The following MAX variants were observed in gnomAD, a reference collection of about 807,000 sequenced individuals.
MAX encodes MYC associated transcriptional regulator X, also known as protein max.
A neutral mutation model predicts 22.3 loss-of-function variants in MAX; 3 were observed. That is an observed-to-expected ratio of 0.13 (90% CI 0.06 to 0.35). The LOEUF is 0.35. Among genes scored for constraint, MAX ranks in the 10% least tolerant of loss-of-function variants. The pLI is 1.00. For synonymous variants in MAX, 72 were observed against 77.7 expected (o/e 0.93, Z 0.39); for missense variants, 119 against 209.4 (o/e 0.57, Z 2.66).
At chr14:65,052,689 A>T (rs916648377) in intron 3 of MAX, among the ~76,000 whole-genome samples, 4 of 152,208 alleles carry the variant, frequency 2.6e-5, no homozygotes, top group Non-Finnish European at 5.9e-5. Flanking sequence ...AGTTACTAGT[A>T]ATGTTTCTTA....
At chr14:65,013,174 T>G (rs1421997162) in intron 3 of MAX, among the ~76,000 whole-genome samples, 3 of 152,218 alleles carry the variant, frequency 2.0e-5, no homozygotes, top group Non-Finnish European at 2.9e-5. Flanking sequence ...CCAACTCAAA[T>G]GCCTGTAGGG....
intron 3 of MAX, among the ~76,000 whole-genome samples, chr14:65,026,422 A>G (rs995403961): frequency 6.6e-6 from 1 of 152,216 alleles, no homozygotes; most frequent in African/African-American, 2.4e-5. Context: ...ATTAACGTGG[A>G]GAATTCTCCA....
chr14:65,092,918 G>A (rs187823574), intron 3 of MAX, among the ~76,000 whole-genome samples: 94 of 152,306 alleles, frequency 6.2e-4, no homozygotes, highest in Non-Finnish European at 1.9e-4. Context: ...CCTCTTCCCA[G>A]CTTGCCAGTT....
At chr14:65,037,621 C>T (rs1205130170) in intron 3 of MAX, among the ~76,000 whole-genome samples, 1 of 149,198 alleles carries the variant, frequency 6.7e-6, no homozygotes, top group Non-Finnish European at 1.5e-5. Context: ...GACAAAGCCT[C>T]ACCACATTGC....
At chr14:65,040,916 A>G in intron 3 of MAX, 2 of 1,613,612 alleles carry the variant, frequency 1.2e-6, no homozygotes, top group East Asian at 2.2e-5. Flanking sequence ...TGAAGAGCTT[A>G]TTAGTAAGTA....
At chr14:65,048,183 A>G (rs747370251) in intron 3 of MAX, among the ~76,000 whole-genome samples, 5 of 151,724 alleles carry the variant, frequency 3.3e-5, no homozygotes, top group Admixed American at 1.3e-4. Context: ...GGATATGACT[A>G]TGTTGGCCTG....
chr14:65,063,625 C>T (rs1370584193), intron 3 of MAX, among the ~76,000 whole-genome samples: 2 of 152,176 alleles, frequency 1.3e-5, no homozygotes, highest in African/African-American at 4.8e-5. Flanking sequence ...AGTGCAGTGG[C>T]ACAATCATGG....
At chr14:65,097,188 A>G (rs1464168867) in intron 2 of MAX, among the ~76,000 whole-genome samples, 1 of 152,240 alleles carries the variant, frequency 6.6e-6, no homozygotes, top group African/African-American at 2.4e-5. Flanking sequence ...CATCTTTGAC[A>G]CTACCAAGCA....
downstream of MAX, among the ~76,000 whole-genome samples, chr14:65,070,428 G>C (rs1276504444): frequency 6.6e-6 from 1 of 152,184 alleles, no homozygotes; most frequent in African/African-American, 2.4e-5. The surrounding 1 kb of genome is among the most constrained non-coding windows in gnomAD (Gnocchi z 4.4). Context: ...CAGGCTGTGG[G>C]TATACAAGAG....
chr14:65,061,586 C>T, intron 3 of MAX: 1 of 357,938 alleles, frequency 2.8e-6, no homozygotes, highest in South Asian at 3.8e-5. Flanking sequence ...GAAGCAGTCC[C>T]TCCTCACCAG....
At chr14:65,080,696 A>C (rs1011448640) in intron 3 of MAX, among the ~76,000 whole-genome samples, 2 of 152,218 alleles carry the variant, frequency 1.3e-5, no homozygotes, top group Non-Finnish European at 2.9e-5. Flanking sequence ...CCTCTATTTA[A>C]ATTTGCCTAT....
At position 65,032,571 on chromosome 14, in the gene MAX, C is replaced by T. The variant is rs2062107407; in HGVS notation, c.172-26287G>A. The stretch of plus-strand genomic sequence containing the variant: ...AGTTCACTGAGCCTCATTAGCTCTT[C>T]CGTAGAGCTTAATGTGTTTCCCGTT... On this transcript the variant is annotated intron_variant, in intron 3 of 3. Transcript: ENST00000341653. The surrounding 1 kb of genome is among the most constrained non-coding windows in gnomAD (Gnocchi z 5.0). The T allele has an allele frequency of 6.2e-7, 1 of 1,608,074 alleles. No homozygotes were observed. Among genetic ancestry groups the T allele is most frequent in the Non-Finnish European group, 8.5e-7 (1 of 1,178,438 alleles).
chr14:65,069,550 G>A lies in MAX; in HGVS notation c.171+24158C>T, dbSNP rs987893748. Among the ~76,000 whole-genome samples, 4 of 152,222 alleles carry A rather than the reference G, an allele frequency of 2.6e-5. No individual in the cohort carries two copies. Among genetic ancestry groups the A allele is most frequent in the South Asian group, 4.1e-4 (2 of 4,838 alleles). On this transcript the variant is annotated intron_variant, in intron 3 of 3. Coordinates refer to the MAX transcript ENST00000341653. The surrounding 1 kb of genome is among the most constrained non-coding windows in gnomAD (Gnocchi z 4.6). ...CAGCACAATGCTGGGCTGAGGCTAC[G>A]TGCTGCTCAAATACCCGAGGGTTGA...
intron 3 of MAX, among the ~76,000 whole-genome samples, chr14:65,051,873 C>T (rs1435719218): frequency 6.6e-6 from 1 of 150,742 alleles, no homozygotes; most frequent in Non-Finnish European, 1.5e-5. Flanking sequence ...CAGCTCACTG[C>T]AAACTCCGCC....
intron 3 of MAX, among the ~76,000 whole-genome samples, chr14:65,040,382 T>A (rs1374100804): frequency 1.3e-5 from 2 of 151,418 alleles, no homozygotes; most frequent in Non-Finnish European, 2.9e-5. Flanking sequence ...AATTATTATG[T>A]TTCTTACACA....
chr14:65,100,837 A>G (rs2139956107), intron 2 of MAX, among the ~76,000 whole-genome samples: 1 of 152,370 alleles, frequency 6.6e-6, no homozygotes, highest in African/African-American at 2.4e-5. Context: ...AGAACCATCT[A>G]CTGAGAACAT....
Position 65,044,841 on chromosome 14 carries a change from C to A in MAX, c.172-38557G>T. ...GTTGCAACAGTCACTGTTGCAACAGCAACAGGAAAGGCAACTGCGTAAAGG... is the reference window on the plus strand; with the variant it reads ...GTTGCAACAGTCACTGTTGCAACAGAAACAGGAAAGGCAACTGCGTAAAGG... On this transcript the variant is annotated intron_variant, in intron 3 of 3. Transcript: ENST00000341653. The surrounding 1 kb of genome is among the most constrained non-coding windows in gnomAD (Gnocchi z 5.5). The A allele has an allele frequency of 6.3e-6, 1 of 158,348 alleles. No individual in the cohort carries two copies. Among genetic ancestry groups the A allele is most frequent in the Non-Finnish European group, 1.3e-5 (1 of 74,176 alleles). The allele number at this position is 158,348 out of a possible 1,614,324, so 9.8% of individuals were successfully genotyped here. A position where few individuals can be genotyped will look rare whatever the true frequency, so the allele number is the denominator to read the frequency against.
chr14:65,080,404 A>T (rs955873733), intron 3 of MAX, among the ~76,000 whole-genome samples: 1 of 152,228 alleles, frequency 6.6e-6, no homozygotes, highest in African/African-American at 2.4e-5. Flanking sequence ...AATGGGGTGG[A>T]AAAAAGGAGC....
rs2063055102 is a variant in MAX, at chr14:65,076,399, G to A, written c.*77C>T. ...TAAAGAGTCTCTTAAATGGTTCTGA[G>A]GGCTCTACCAACGAACTGAAAGGAG... is the stretch of plus-strand genomic sequence containing the variant. On this transcript the variant is annotated 3_prime_UTR_variant, in exon 5 of 5. Transcript: ENST00000358664. The surrounding 1 kb of genome is among the most constrained non-coding windows in gnomAD (Gnocchi z 6.6). 10 of 1,611,190 alleles carry A rather than the reference G, an allele frequency of 6.2e-6. No individual in the cohort carries two copies. Among genetic ancestry groups the A allele is most frequent in the Middle Eastern group, 2.2e-4 (1 of 4,452 alleles).
Sources: gnomAD v4.1 joint callset for allele counts (sites outside exome capture counted in the v4.1 genomes callset) on GRCh38, gnomAD v4.1.1 for gene constraint, Gnocchi (gnomAD v3.1) non-coding constraint, MANE v1.5 for transcripts, NCBI Gene and HGNC (gene_info 2026-07-23, HGNC 2026-07-21) for gene names.